Variants in FGGY observed in about 807,000 individuals in gnomAD.
FGGY encodes the protein FGGY carbohydrate kinase domain-containing protein.
FGGY carries 72 observed loss-of-function variants against 71.3 expected under a neutral mutation model. That is an observed-to-expected ratio of 1.01 (90% CI 0.84 to 1.23). The LOEUF (loss-of-function observed/expected upper bound fraction) is 1.23, where lower values mean the gene tolerates loss of function less well. Among genes scored for constraint, FGGY ranks in the 50% most tolerant of loss-of-function variants. The probability of loss-of-function intolerance (pLI) is 0.00; values close to 1 mark genes in which losing one functional copy is unlikely to be tolerated. For missense variants in FGGY, 668 were observed against 682.3 expected, an observed-to-expected ratio of 0.98 and a Z score of 0.23; for synonymous variants, 251 against 250.3, an observed-to-expected ratio of 1.00 and a Z score of -0.02.
chr1:59,427,520 C>T (rs1038704728), intron 5 of FGGY, among the ~76,000 whole-genome samples: 6 of 152,176 alleles, frequency 3.9e-5, no homozygotes, highest in Non-Finnish European at 8.8e-5. Flanking sequence ...TCTCTGGACT[C>T]GGGGAATTTC....
intron 14 of FGGY, among the ~76,000 whole-genome samples, chr1:59,753,458 A>G (rs2098262815): frequency 1.7e-5 from 2 of 119,454 alleles, no homozygotes; most frequent in East Asian, 2.3e-4. Context: ...CTTTATAAGC[A>G]TAACTTTAAA....
At chr1:59,311,912 A>G (rs190854069) in intron 1 of FGGY, among the ~76,000 whole-genome samples, 3 of 152,238 alleles carry the variant, frequency 2.0e-5, no homozygotes, top group Non-Finnish European at 4.4e-5. Flanking sequence ...GCCAGCATCT[A>G]TTGTTTCTTG....
At chr1:59,737,955 C>T (rs759318922) in intron 14 of FGGY, among the ~76,000 whole-genome samples, 13 of 152,046 alleles carry the variant, frequency 8.6e-5, no homozygotes, top group East Asian at 1.9e-4. Context: ...ATCATGGGGG[C>T]GAGAGCAAAC....
At chr1:59,610,274 C>A (rs771450138) in intron 9 of FGGY, among the ~76,000 whole-genome samples, 2 of 152,098 alleles carry the variant, frequency 1.3e-5, no homozygotes, top group Non-Finnish European at 2.9e-5. Context: ...TGTTGTCCCC[C>A]TCTCTGTGTT....
At chr1:59,367,742 T>G (rs1454450495) in intron 4 of FGGY, among the ~76,000 whole-genome samples, 1 of 152,002 alleles carries the variant, frequency 6.6e-6, no homozygotes, top group Non-Finnish European at 1.5e-5. Flanking sequence ...AGGGAAAGGG[T>G]GAAAGCTACT....
chr1:59,307,591 C>G (rs900130620), intron 1 of FGGY, among the ~76,000 whole-genome samples: 4 of 152,280 alleles, frequency 2.6e-5, no homozygotes, highest in Middle Eastern at 3.4e-3. Context: ...GCAAGGCCAT[C>G]TGGTAAGTCA....
chr1:59,510,171 G>A (rs752825545), intron 6 of FGGY, among the ~76,000 whole-genome samples: 1 of 151,778 alleles, frequency 6.6e-6, no homozygotes, highest in Non-Finnish European at 1.5e-5. Context: ...GCAGAGGTGT[G>A]GATATCAGTC....
At chr1:59,397,017 G>A (rs2061403079) in intron 5 of FGGY, among the ~76,000 whole-genome samples, 2 of 149,682 alleles carry the variant, frequency 1.3e-5, no homozygotes, top group Admixed American at 1.3e-4. Flanking sequence ...CAGTTTGAAT[G>A]CATTATGTCT....
At chr1:59,608,008 G>T (rs750224343) in intron 9 of FGGY, 98 bp downstream of exon 9, 75 of 930,192 alleles carry the variant, frequency 8.1e-5, no homozygotes, top group Non-Finnish European at 1.1e-4. Flanking sequence ...TGGAGGATTT[G>T]CAGACCCCTG....
intron 6 of FGGY, among the ~76,000 whole-genome samples, chr1:59,460,817 T>G (rs2092132379): frequency 6.6e-6 from 1 of 152,136 alleles, no homozygotes; most frequent in Non-Finnish European, 1.5e-5. Flanking sequence ...AATTCCACTT[T>G]ATGAAAATTC....
intron 14 of FGGY, among the ~76,000 whole-genome samples, chr1:59,681,309 A>G (rs150477595): frequency 5.2e-4 from 79 of 152,332 alleles, no homozygotes; most frequent in African/African-American, 1.7e-3. Context: ...TAGGCTAACA[A>G]AACGCATTTT....
chr1:59,430,116 G>T (rs1348601284), intron 5 of FGGY, among the ~76,000 whole-genome samples: 1 of 152,180 alleles, frequency 6.6e-6, no homozygotes, highest in Non-Finnish European at 1.5e-5. Context: ...CTTCAGTTTT[G>T]CATGTGAAGA....
At chr1:59,501,554 A>G (rs1462036674) in intron 6 of FGGY, among the ~76,000 whole-genome samples, 3 of 152,216 alleles carry the variant, frequency 2.0e-5, no homozygotes, top group Non-Finnish European at 4.4e-5. Flanking sequence ...TCTCCATGGT[A>G]GAACTGTTTG....
At chr1:59,544,826 A>T (rs1038298722) in intron 7 of FGGY, among the ~76,000 whole-genome samples, 7 of 152,238 alleles carry the variant, frequency 4.6e-5, no homozygotes, top group Non-Finnish European at 1.0e-4. Context: ...CTTCTTCAGA[A>T]TGCAGAGTTC....
At chr1:59,325,389 A>C (rs2047248173) in intron 2 of FGGY, among the ~76,000 whole-genome samples, 1 of 151,948 alleles carries the variant, frequency 6.6e-6, no homozygotes, top group African/African-American at 2.4e-5. Flanking sequence ...AACAACAAAA[A>C]CAGTAAGCTT....
intron 6 of FGGY, among the ~76,000 whole-genome samples, chr1:59,492,128 A>G (rs1202474125): frequency 6.6e-6 from 1 of 152,134 alleles, no homozygotes. Flanking sequence ...TTGTTCATTT[A>G]TTTATGTACT....
intron 5 of FGGY, among the ~76,000 whole-genome samples, chr1:59,427,862 G>A (rs2153455135): frequency 6.6e-6 from 1 of 152,268 alleles, no homozygotes; most frequent in South Asian, 2.1e-4. Flanking sequence ...TTACTAGATA[G>A]GGGACCTTTA....
Position 59,624,070 on chromosome 1 carries a change from C to T in FGGY, c.1012-1918C>T, listed in dbSNP as rs1352058711. Reference sequence around the variant, plus strand: ...TCCAAAGTGTGATGAGGATATGCTTCATCACAGTAATGCAAAGTTGAACCT... The same window carrying T: ...TCCAAAGTGTGATGAGGATATGCTTTATCACAGTAATGCAAAGTTGAACCT... On this transcript the variant is annotated intron_variant, in intron 9 of 15. Coordinates refer to ENST00000303721, the MANE Select transcript of FGGY (RefSeq NM_018291.5). Among the ~76,000 whole-genome samples, 8 of 152,078 alleles carry T rather than the reference C, an allele frequency of 5.3e-5. No individual in the cohort carries two copies. In the South Asian group the frequency reaches 1.5e-3, roughly 28 times the overall value.
intron 7 of FGGY, among the ~76,000 whole-genome samples, chr1:59,513,982 G>A (rs1460885950): frequency 6.6e-6 from 1 of 152,208 alleles, no homozygotes; most frequent in East Asian, 1.9e-4. Context: ...CATAATATAT[G>A]TAGGTTGGTT....
Sources: allele counts gnomAD v4.1 joint callset (sites outside exome capture counted in the v4.1 genomes callset), GRCh38; gene constraint gnomAD v4.1.1; transcripts MANE v1.5; gene names NCBI Gene and HGNC (gene_info 2026-07-23, HGNC 2026-07-21).